KCNIP4: variants seen among roughly 807,000 people sequenced by gnomAD.
KCNIP4 encodes the protein Kv channel-interacting protein 4.
In KCNIP4, 12 loss-of-function variants were observed where a neutral mutation model predicts 34.0. The observed-to-expected ratio is 0.35, with a 90% CI of 0.23 to 0.57. KCNIP4 has a LOEUF of 0.57. Ranked by LOEUF, KCNIP4 falls within the 20% of genes least tolerant of loss-of-function variation. KCNIP4 has a pLI of 0.83. For missense variants in KCNIP4, 238 were observed against 311.7 expected, an observed-to-expected ratio of 0.76 and a Z score of 1.78; for synonymous variants, 124 against 102.2, an observed-to-expected ratio of 1.21 and a Z score of -1.29.
rs371749872 is a variant in KCNIP4 at position 21,558,784 on chromosome 4, A to G, written c.61+389787T>C. On this transcript the variant is annotated intron_variant, in intron 1 of 8. Coordinates refer to ENST00000382152, the MANE Select transcript of KCNIP4 (RefSeq NM_025221.6). ...AGACTAATTGAAATGTGAAGCAAAG[A>G]TTATGTAGATTTTGCTTGCTGGATG... Among the ~76,000 whole-genome samples, 256 of 152,250 alleles carry G rather than the reference A, an allele frequency of 1.7e-3. 11 individuals are homozygous for G. In the South Asian group the frequency reaches 0.047, roughly 28 times the overall value.
At chr4:21,025,543 GTTTTTTTTTTTTTT>G (rs772689134) in intron 1 of KCNIP4, among the ~76,000 whole-genome samples, 2,031 of 34,770 alleles carry the variant, frequency 0.058, 102 homozygotes, top group African/African-American at 0.19. Flanking sequence ...CATTGATACT[GTTTTTTTTTTTTTT>G]TTTTTTTTTT....
intron 1 of KCNIP4, among the ~76,000 whole-genome samples, chr4:21,699,088 A>T (rs1019154101): frequency 6.6e-6 from 1 of 152,362 alleles, no homozygotes; most frequent in Admixed American, 6.5e-5. Flanking sequence ...GAGTGATGGC[A>T]TCCCTAAGTT....
In KCNIP4 at chr4:21,508,852, A is replaced by C. The variant is rs148098598; in HGVS notation, c.61+439719T>G. 6.1e-3 allele frequency among the ~76,000 whole-genome samples: 929 copies of C among 152,078 alleles called. 7 individuals carry two copies. The highest frequency in any genetic ancestry group is 0.022 in the African/African-American group (892 of 41,486). ...ACTCTAGGATACCACCTTCCTTCAA[A>C]CTTGGTATATAAAAACACATTAACT... On this transcript the variant is annotated intron_variant, in intron 1 of 8. Transcript: ENST00000382152.
At chr4:21,609,434 G>A (rs941673640) in intron 1 of KCNIP4, among the ~76,000 whole-genome samples, 5 of 152,056 alleles carry the variant, frequency 3.3e-5, no homozygotes, top group African/African-American at 1.2e-4. Context: ...TCCTCACTTC[G>A]CATGAGTTAC....
At chr4:20,867,718 T>C (rs1466555132) in intron 2 of KCNIP4, among the ~76,000 whole-genome samples, 1 of 152,026 alleles carries the variant, frequency 6.6e-6, no homozygotes, top group Non-Finnish European at 1.5e-5. Flanking sequence ...AAAGAAATTA[T>C]CCTACACTTG....
chr4:21,778,236 C>CTTTTTTTTTTTT (rs71655659), intron 1 of KCNIP4, among the ~76,000 whole-genome samples: 3 of 25,746 alleles, frequency 1.2e-4, no homozygotes, highest in Admixed American at 5.7e-4. Flanking sequence ...TTTTTTTTTT[C>CTTTTTTTTTTTT]TTTTTTTTTT....
intron 1 of KCNIP4, among the ~76,000 whole-genome samples, chr4:21,870,666 T>C (rs917278130): frequency 6.6e-6 from 1 of 152,216 alleles, no homozygotes; most frequent in Admixed American, 6.5e-5. Flanking sequence ...GAGTATACTT[T>C]TGTTTTCCAA....
chr4:21,182,506 T>G (rs543068514), intron 1 of KCNIP4, among the ~76,000 whole-genome samples: 3 of 151,546 alleles, frequency 2.0e-5, no homozygotes, highest in Non-Finnish European at 4.4e-5. Context: ...AAGTACAGTT[T>G]TGTTACATGG....
At chr4:20,922,408 C>T (rs547577383) in intron 1 of KCNIP4, among the ~76,000 whole-genome samples, 3 of 152,216 alleles carry the variant, frequency 2.0e-5, no homozygotes, top group Admixed American at 6.5e-5. Context: ...GACATTGTAG[C>T]GTCTGGTTCG....
intron 5 of KCNIP4, among the ~76,000 whole-genome samples, chr4:20,735,162 A>G (rs1749286058): frequency 6.6e-6 from 1 of 152,320 alleles, no homozygotes; most frequent in South Asian, 2.1e-4. Context: ...AGATAAACCA[A>G]TTGTGGTCTT....
intron 1 of KCNIP4, among the ~76,000 whole-genome samples, chr4:21,395,988 A>ATACTTCCC (rs911338582): frequency 6.6e-6 from 1 of 152,060 alleles, no homozygotes; most frequent in Non-Finnish European, 1.5e-5. Context: ...TAACACATGT[A>ATACTTCCC]TACTTCCCTT....
intron 1 of KCNIP4, among the ~76,000 whole-genome samples, chr4:21,853,823 A>G (rs1724568905): frequency 6.6e-6 from 1 of 152,228 alleles, no homozygotes; most frequent in African/African-American, 2.4e-5. Flanking sequence ...GGGCTGCCAC[A>G]GGCAAGTCAC....
intron 3 of KCNIP4, among the ~76,000 whole-genome samples, chr4:20,787,468 T>C (rs1164892644): frequency 6.6e-6 from 1 of 152,146 alleles, no homozygotes; most frequent in Non-Finnish European, 1.5e-5. Context: ...AGAGGTTTTT[T>C]CTCCTCCTCT....
chr4:21,849,071 G>A (rs968520611), intron 1 of KCNIP4: 1 of 151,886 alleles, frequency 6.6e-6, no homozygotes, highest in Admixed American at 6.6e-5. Flanking sequence ...TTCCTTCTAA[G>A]AGAAACAAAA....
intron 1 of KCNIP4, among the ~76,000 whole-genome samples, chr4:21,364,659 C>G (rs1356856595): frequency 6.6e-6 from 1 of 151,670 alleles, no homozygotes; most frequent in Admixed American, 6.6e-5. Context: ...GTCAATGCAC[C>G]TATATTATGG....
chr4:21,740,252 G>A (rs1193896775), intron 1 of KCNIP4, among the ~76,000 whole-genome samples: 2 of 151,872 alleles, frequency 1.3e-5, no homozygotes, highest in Admixed American at 1.3e-4. Context: ...ATTTATATAT[G>A]CACAGTAAAC....
intron 1 of KCNIP4, among the ~76,000 whole-genome samples, chr4:21,508,463 T>A (rs1034577313): frequency 6.6e-6 from 1 of 152,200 alleles, no homozygotes; most frequent in African/African-American, 2.4e-5. Context: ...GTATGAGGAT[T>A]GCACAGTGGC....
intron 1 of KCNIP4, among the ~76,000 whole-genome samples, chr4:21,882,306 T>C (rs1225048553): frequency 6.6e-6 from 1 of 152,130 alleles, no homozygotes; most frequent in Admixed American, 6.6e-5. Context: ...CTCAGAGTGA[T>C]TAATTTGCTC....
At chr4:21,658,929 G>A (rs1231959445) in intron 1 of KCNIP4, among the ~76,000 whole-genome samples, 1 of 152,154 alleles carries the variant, frequency 6.6e-6, no homozygotes. Context: ...GGTTGGTTTT[G>A]CAATAGAATT....
Sources: gnomAD v4.1 joint callset for allele counts (sites outside exome capture counted in the v4.1 genomes callset) on GRCh38, gnomAD v4.1.1 for gene constraint, MANE v1.5 for transcripts, NCBI Gene and HGNC (gene_info 2026-07-23, HGNC 2026-07-21) for gene names.